SEC23B: variants seen among roughly 807,000 people sequenced by gnomAD.
The protein encoded by SEC23B is SEC23 homolog B, COPII component.
SEC23B carries 77 observed loss-of-function variants against 104.3 expected under a neutral mutation model. The ratio of observed to expected loss-of-function variants is 0.74; its 90% CI spans 0.61 to 0.89. The LOEUF (loss-of-function observed/expected upper bound fraction) is 0.89, where lower values mean the gene tolerates loss of function less well. Among genes scored for constraint, SEC23B ranks in the 40% least tolerant of loss-of-function variants. The pLI is 0.00. For missense variants in SEC23B, 885 were observed against 949.4 expected, an observed-to-expected ratio of 0.93 and a Z score of 0.89; for synonymous variants, 338 against 332.5, an observed-to-expected ratio of 1.02 and a Z score of -0.18.
chr20:18,548,861 A>G (rs1041758930), intron 16 of SEC23B, 91 bp downstream of exon 16: 7 of 1,355,886 alleles, frequency 5.2e-6, no homozygotes, highest in South Asian at 1.2e-5. Context: ...ACTGTAAAAA[A>G]GAAGTAAAAT....
chr20:18,510,925 G>A lies in SEC23B; in HGVS notation c.90G>A (p.Glu30=). Residue 30 remains glutamate (E), a synonymous_variant, in exon 2 of 20, where the codon GAG becomes GAA. Coordinates refer to ENST00000650089, the MANE Select transcript of SEC23B (RefSeq NM_006363.6). ...SWNVWPSSRL[E]ATRMVVPLAC... is the part of the protein sequence containing the mutation. Reference sequence around the variant, plus strand: ...ACGTGTGGCCTTCCAGCCGGCTGGAGGCTACAAGAATGGTTGTACCCCTGG... The same window carrying A: ...ACGTGTGGCCTTCCAGCCGGCTGGAAGCTACAAGAATGGTTGTACCCCTGG... 1 of 1,614,130 alleles carries A rather than the reference G, an allele frequency of 6.2e-7. No homozygotes were observed. The highest frequency in any genetic ancestry group is 8.5e-7 in the Non-Finnish European group (1 of 1,179,996).
Position 18,515,681 on chromosome 20 carries a change from T to C in SEC23B, c.311T>C (p.Val104Ala). The change falls in exon 4 of 20, where the codon GTG (valine) becomes GCG (alanine). Residue 104 changes from valine (V) to alanine (A), a missense_variant. Transcript: ENST00000650089. ...FPPAYGGISE[V>A]NQPAELMPQF... is the part of the protein sequence containing the mutation. ...CCAGCTTATGGAGGCATATCTGAGGTGAATCAACCTGCCGAATTGATGCCC... is the reference window on the plus strand; with the variant it reads ...CCAGCTTATGGAGGCATATCTGAGGCGAATCAACCTGCCGAATTGATGCCC... The C allele has an allele frequency of 6.2e-7, 1 of 1,612,080 alleles. No homozygotes were observed. Among genetic ancestry groups the C allele is most frequent in the Non-Finnish European group, 8.5e-7 (1 of 1,178,074 alleles).
At position 18,528,485 on chromosome 20, in the gene SEC23B, A is replaced by G. The variant is rs532995453; in HGVS notation, c.1109+874A>G. On this transcript the variant is annotated intron_variant, in intron 9 of 19. Coordinates refer to ENST00000650089, the MANE Select transcript of SEC23B (RefSeq NM_006363.6). The stretch of plus-strand genomic sequence containing the variant: ...CTGAATCAGAACCTGCATTTGAACA[A>G]TATCCCAGGTGATTTGCATGCACAG... Among the ~76,000 whole-genome samples, 20 of 152,344 alleles carry G rather than the reference A, an allele frequency of 1.3e-4. No individual in the cohort carries two copies. The South Asian group carries it at 2.7e-3, about 21-fold the overall frequency.
intron 11 of SEC23B, among the ~76,000 whole-genome samples, chr20:18,534,847 G>A (rs76804739): frequency 1.7e-4 from 26 of 152,280 alleles, no homozygotes; most frequent in Non-Finnish European, 2.9e-5. Context: ...TAGAGGAGCC[G>A]TCCTGGGTCT....
chr20:18,555,621 T>C (rs1172279703), intron 19 of SEC23B, among the ~76,000 whole-genome samples: 1 of 152,190 alleles, frequency 6.6e-6, no homozygotes, highest in Non-Finnish European at 1.5e-5. Context: ...AGCATTTATG[T>C]CTCTCTCAGA....
intron 19 of SEC23B, among the ~76,000 whole-genome samples, chr20:18,559,222 A>G (rs1316317652): frequency 3.3e-5 from 5 of 152,076 alleles, no homozygotes; most frequent in Non-Finnish European, 7.4e-5. Context: ...CAGCTCCCCC[A>G]TAGCCTCCAG....
chr20:18,535,804 A>T, intron 12 of SEC23B, 62 bp downstream of exon 12: 1 of 1,285,048 alleles, frequency 7.8e-7, no homozygotes, highest in Non-Finnish European at 1.1e-6. Flanking sequence ...TTTATCTCAA[A>T]CCAGTGGTCT....
At chr20:18,559,866 G>T (rs771719793) in intron 19 of SEC23B, among the ~76,000 whole-genome samples, 1 of 152,006 alleles carries the variant, frequency 6.6e-6, no homozygotes, top group East Asian at 1.9e-4. Context: ...TAAGATGCCC[G>T]AAGTTTTCAG....
At chr20:18,531,652 CA>C (rs11482973) in intron 10 of SEC23B, among the ~76,000 whole-genome samples, 1,349 of 99,498 alleles carry the variant, frequency 0.014, 14 homozygotes, top group Admixed American at 0.037. Flanking sequence ...GAAACTGTCT[CA>C]AAAAAAAAAA....
chr20:18,514,092 A>G (rs1460548070), intron 3 of SEC23B, among the ~76,000 whole-genome samples: 1 of 152,194 alleles, frequency 6.6e-6, no homozygotes, highest in Non-Finnish European at 1.5e-5. Flanking sequence ...ATGCTTACCT[A>G]AGATTGTCAC....
chr20:18,538,944 G>A (rs577664000), intron 12 of SEC23B, among the ~76,000 whole-genome samples: 5 of 151,864 alleles, frequency 3.3e-5, no homozygotes, highest in East Asian at 3.9e-4. Flanking sequence ...GATGGCTCCC[G>A]CCTGTAATCC....
At chr20:18,517,013 T>C (rs904924924) in intron 4 of SEC23B, among the ~76,000 whole-genome samples, 1 of 152,234 alleles carries the variant, frequency 6.6e-6, no homozygotes, top group African/African-American at 2.4e-5. Context: ...CTTACAACCC[T>C]TGAACATGAG....
At chr20:18,560,538 C>T (rs1232260157) in intron 19 of SEC23B, 113 bp from the exon 20 acceptor site, 1 of 805,818 alleles carries the variant, frequency 1.2e-6, no homozygotes, top group Non-Finnish European at 2.2e-6. Context: ...TGGGAGTACT[C>T]GTAGCAGAGG....
chr20:18,536,370 T>C (rs2060230805), intron 12 of SEC23B, among the ~76,000 whole-genome samples: 1 of 152,216 alleles, frequency 6.6e-6, no homozygotes, highest in South Asian at 2.1e-4. Flanking sequence ...TTGAGTAGTG[T>C]TGGGGTGCTG....
chr20:18,548,270 A>G (rs2060352244), intron 15 of SEC23B, among the ~76,000 whole-genome samples: 1 of 152,234 alleles, frequency 6.6e-6, no homozygotes, highest in Non-Finnish European at 1.5e-5. Flanking sequence ...TTAAAAAAAA[A>G]AATTAATTTT....
At chr20:18,521,144 G>C (rs1049044802) in intron 4 of SEC23B, among the ~76,000 whole-genome samples, 3 of 152,140 alleles carry the variant, frequency 2.0e-5, no homozygotes, top group Non-Finnish European at 4.4e-5. Context: ...AGATGTGGCT[G>C]GGGTTTGTCT....
In SEC23B at chr20:18,550,134, A is replaced by G. The variant is rs1386533532; in HGVS notation, c.1906-955A>G. Among the ~76,000 whole-genome samples the G allele has an allele frequency of 3.4e-5, 5 of 148,636 alleles. No individual in the cohort carries two copies. In the South Asian group the frequency reaches 6.2e-4, roughly 19 times the overall value. On this transcript the variant is annotated intron_variant, in intron 16 of 19. Coordinates refer to ENST00000650089, the MANE Select transcript of SEC23B (RefSeq NM_006363.6). Reference sequence around the variant, plus strand: ...AATATAAATTATATACTTATATAATATAAAATATTACTTACAAATAAATAA... The same window carrying G: ...AATATAAATTATATACTTATATAATGTAAAATATTACTTACAAATAAATAA...
In SEC23B at chr20:18,526,403, A is replaced by AC; in HGVS notation, c.865_866insC (p.Met289ThrfsTer19). On this transcript the variant is annotated frameshift_variant, in exon 8 of 20. Transcript: ENST00000650089. LOFTEE classifies it high-confidence loss of function. Reference sequence around the variant, plus strand: ...TTTTCCAAACACAGGAGCCAGGATCATGCTGTTTACTGGAGGTCCCCCTAC... The same window carrying AC: ...TTTTCCAAACACAGGAGCCAGGATCACTGCTGTTTACTGGAGGTCCCCCTAC... The AC allele has an allele frequency of 6.2e-7, 1 of 1,614,236 alleles. No individual in the cohort carries two copies. Among genetic ancestry groups the AC allele is most frequent in the Non-Finnish European group, 8.5e-7 (1 of 1,180,030 alleles).
chr20:18,551,638 C>T (rs561697884), intron 17 of SEC23B, among the ~76,000 whole-genome samples: 8 of 151,968 alleles, frequency 5.3e-5, no homozygotes, highest in South Asian at 2.1e-4. Flanking sequence ...CACTTAAACC[C>T]GGGAGGTTGA....
Sources: allele counts gnomAD v4.1 joint callset (sites outside exome capture counted in the v4.1 genomes callset), GRCh38; gene constraint gnomAD v4.1.1; transcripts MANE v1.5; gene names NCBI Gene and HGNC (gene_info 2026-07-23, HGNC 2026-07-21).